The following KCNQ5 variants were observed in gnomAD, a reference collection of about 807,000 sequenced individuals.
KCNQ5 encodes the protein potassium voltage-gated channel subfamily KQT member 5.
KCNQ5 carries 30 observed loss-of-function variants against 98.2 expected under a neutral mutation model. The ratio of observed to expected loss-of-function variants is 0.31; its 90% CI spans 0.23 to 0.41. The LOEUF (loss-of-function observed/expected upper bound fraction) is 0.41, where lower values mean the gene tolerates loss of function less well. KCNQ5 is among the 10% of genes least tolerant of loss of function. The pLI, the probability that KCNQ5 is intolerant of heterozygous loss-of-function variation, is 1.00. For missense variants in KCNQ5, 835 were observed against 1,182.5 expected (o/e 0.71, Z 4.31); for synonymous variants, 458 against 449.4 (o/e 1.02, Z -0.24).
intron 1 of KCNQ5, among the ~76,000 whole-genome samples, chr6:72,738,778 C>T (rs898131978): frequency 4.2e-4 from 64 of 152,122 alleles, no homozygotes; most frequent in African/African-American, 1.4e-3. Flanking sequence ...ATGCATATTA[C>T]TAAGTGAAAG....
intron 1 of KCNQ5, among the ~76,000 whole-genome samples, chr6:72,652,240 CAAAA>C (rs66526018): frequency 8.5e-5 from 9 of 105,296 alleles, no homozygotes; most frequent in Admixed American, 1.0e-4. Context: ...GAGGCAGAAG[CAAAA>C]AAAAAAAAAA....
At chr6:72,644,527 A>T (rs940824831) in intron 1 of KCNQ5, among the ~76,000 whole-genome samples, 4 of 152,188 alleles carry the variant, frequency 2.6e-5, no homozygotes, top group Admixed American at 1.3e-4. Flanking sequence ...TAGAGGTTAC[A>T]AATCAATTTT....
intron 3 of KCNQ5, among the ~76,000 whole-genome samples, chr6:73,053,001 C>T (rs1443618049): frequency 1.3e-5 from 2 of 152,282 alleles, no homozygotes; most frequent in South Asian, 2.1e-4. Flanking sequence ...TGAATAGACC[C>T]ATTTCACATG....
intron 10 of KCNQ5, among the ~76,000 whole-genome samples, chr6:73,156,811 C>T (rs999610484): frequency 2.0e-5 from 3 of 152,094 alleles, no homozygotes; most frequent in African/African-American, 7.2e-5. Context: ...CAGCGGCAGG[C>T]AGAGTGACTG....
chr6:72,676,933 T>C (rs1319155577), intron 1 of KCNQ5, among the ~76,000 whole-genome samples: 7 of 117,564 alleles, frequency 6.0e-5, no homozygotes, highest in Non-Finnish European at 1.0e-4. Context: ...ATATTTTTAG[T>C]TAGTACTTTT....
intron 6 of KCNQ5, among the ~76,000 whole-genome samples, chr6:73,107,132 A>G (rs1312610871): frequency 6.6e-6 from 1 of 152,226 alleles, no homozygotes; most frequent in African/African-American, 2.4e-5. Context: ...ATGGCACAAA[A>G]TAATTGCAGC....
chr6:72,697,341 G>A (rs1370395469), intron 1 of KCNQ5, among the ~76,000 whole-genome samples: 1 of 152,074 alleles, frequency 6.6e-6, no homozygotes, highest in African/African-American at 2.4e-5. Context: ...AAGGGAAGAG[G>A]AAAGGGCCAT....
At chr6:72,819,315 ATTCT>A (rs1279634703) in intron 1 of KCNQ5, among the ~76,000 whole-genome samples, 3 of 152,132 alleles carry the variant, frequency 2.0e-5, no homozygotes, top group African/African-American at 7.2e-5. Context: ...ATCCAACTAC[ATTCT>A]TTAAGTTATT....
chr6:73,057,938 G>C (rs898190874), intron 3 of KCNQ5, among the ~76,000 whole-genome samples: 5 of 152,110 alleles, frequency 3.3e-5, no homozygotes, highest in Non-Finnish European at 7.4e-5. Flanking sequence ...CAGAAATAAT[G>C]CCACACACAA....
intron 1 of KCNQ5, among the ~76,000 whole-genome samples, chr6:72,898,015 A>T (rs1244552973): frequency 2.6e-5 from 4 of 152,228 alleles, no homozygotes; most frequent in Non-Finnish European, 5.9e-5. Context: ...ATCTTCCATG[A>T]CAGATGTAGA....
At chr6:73,119,344 C>A (rs1023744926) in intron 7 of KCNQ5, among the ~76,000 whole-genome samples, 2 of 152,186 alleles carry the variant, frequency 1.3e-5, no homozygotes, top group African/African-American at 2.4e-5. Flanking sequence ...GTATAAACCT[C>A]TTCATTTATC....
intron 1 of KCNQ5, among the ~76,000 whole-genome samples, chr6:72,671,751 A>G (rs977339845): frequency 2.6e-5 from 4 of 152,204 alleles, no homozygotes; most frequent in Middle Eastern, 3.2e-3. Flanking sequence ...TTGGCAGGAA[A>G]TATTTTTTGG....
intron 1 of KCNQ5, among the ~76,000 whole-genome samples, chr6:72,740,765 A>G (rs1771091787): frequency 6.6e-6 from 1 of 152,154 alleles, no homozygotes; most frequent in African/African-American, 2.4e-5. Flanking sequence ...TGCTGGTGCC[A>G]TTTTGTGCCC....
intron 1 of KCNQ5, among the ~76,000 whole-genome samples, chr6:72,905,504 G>T (rs1779664064): frequency 6.6e-6 from 1 of 152,168 alleles, no homozygotes; most frequent in Admixed American, 6.5e-5. Context: ...ATTTGGGTAG[G>T]CTCTGTCAGA....
intron 1 of KCNQ5, among the ~76,000 whole-genome samples, chr6:72,782,521 T>G (rs904436281): frequency 1.3e-5 from 2 of 152,146 alleles, no homozygotes; most frequent in Non-Finnish European, 1.5e-5. Context: ...TCCTGAAAAG[T>G]GTTTGTGGTT....
At chr6:72,918,028 C>T (rs908139523) in intron 1 of KCNQ5, among the ~76,000 whole-genome samples, 1 of 152,118 alleles carries the variant, frequency 6.6e-6, no homozygotes, top group African/African-American at 2.4e-5. Flanking sequence ...TTGTAACAAC[C>T]AAAAATGTCT....
chr6:72,836,603 T>C (rs954402938), intron 1 of KCNQ5, among the ~76,000 whole-genome samples: 1 of 152,086 alleles, frequency 6.6e-6, no homozygotes, highest in African/African-American at 2.4e-5. Context: ...CACACTCTGC[T>C]AATTTTTTTT....
At chr6:72,737,085 C>G (rs1018442564) in intron 1 of KCNQ5, among the ~76,000 whole-genome samples, 11 of 152,080 alleles carry the variant, frequency 7.2e-5, no homozygotes, top group African/African-American at 2.4e-4. Flanking sequence ...CTCAGCCTCC[C>G]AAGTAGCTGG....
At position 73,080,660 on chromosome 6, in the gene KCNQ5, A is replaced by G. The variant is rs1298107767; in HGVS notation, c.918+2773A>G. ...CTAATGGAAACCTTAATAACTATGG[A>G]AGTATCCAGAATAAATAGGGAAATG... is the stretch of plus-strand genomic sequence containing the variant. On this transcript the variant is annotated intron_variant, in intron 5 of 13. Transcript: ENST00000370398. Among the ~76,000 whole-genome samples, 4 of 152,348 alleles carry G rather than the reference A, an allele frequency of 2.6e-5. No homozygotes were observed. The East Asian group carries it at 7.7e-4, about 29-fold the overall frequency.
Sources: gnomAD v4.1 joint callset for allele counts (sites outside exome capture counted in the v4.1 genomes callset) on GRCh38, gnomAD v4.1.1 for gene constraint, MANE v1.5 for transcripts, NCBI Gene and HGNC (gene_info 2026-07-23, HGNC 2026-07-21) for gene names.